The following CTNNA3 variants were observed in gnomAD, a reference collection of about 807,000 sequenced individuals.
CTNNA3 encodes catenin alpha 3.
A neutral mutation model predicts 95.7 loss-of-function variants in CTNNA3; 76 were observed. The ratio of observed to expected loss-of-function variants is 0.79; its 90% CI spans 0.66 to 0.96. CTNNA3 has a LOEUF of 0.96. Among genes scored for constraint, CTNNA3 ranks in the 40% least tolerant of loss-of-function variants. The probability of loss-of-function intolerance (pLI) is 0.00; values close to 1 mark genes in which losing one functional copy is unlikely to be tolerated. For missense variants in CTNNA3, 1,191 were observed against 1,089.8 expected (o/e 1.09, Z -1.31); for synonymous variants, 431 against 374.4 (o/e 1.15, Z -1.74).
chr10:67,667,738 T>G (rs1840357094), intron 1 of CTNNA3, among the ~76,000 whole-genome samples: 1 of 152,154 alleles, frequency 6.6e-6, no homozygotes, highest in South Asian at 2.1e-4. Context: ...CCTCATGTAA[T>G]AACTAACAAT....
In CTNNA3 at chr10:67,435,926, C is replaced by G. The variant is rs1032974202; in HGVS notation, c.579+85916G>C. On this transcript the variant is annotated intron_variant, in intron 5 of 17. Coordinates refer to ENST00000433211, the MANE Select transcript of CTNNA3 (RefSeq NM_013266.4). The stretch of plus-strand genomic sequence containing the variant: ...AGACAATCTACAAATTCAATGCAAT[C>G]CCTATCAAAATACCACCATCATTCT... Among the ~76,000 whole-genome samples, 93 of 152,020 alleles carry G rather than the reference C, an allele frequency of 6.1e-4. 1 individual carries two copies. Among genetic ancestry groups the G allele is most frequent in the Non-Finnish European group, 1.8e-4 (12 of 67,934 alleles).
chr10:67,244,355 A>G (rs1304109158), intron 5 of CTNNA3, among the ~76,000 whole-genome samples: 1 of 152,240 alleles, frequency 6.6e-6, no homozygotes, highest in Non-Finnish European at 1.5e-5. Context: ...ACTGAGAAGA[A>G]TGCAGATAAA....
intron 2 of CTNNA3, among the ~76,000 whole-genome samples, chr10:67,619,482 T>C (rs990683607): frequency 6.6e-6 from 1 of 152,148 alleles, no homozygotes; most frequent in Non-Finnish European, 1.5e-5. Context: ...GGACTAAAGA[T>C]TTAAATGTAA....
At chr10:67,272,739 T>C (rs1839036007) in intron 5 of CTNNA3, among the ~76,000 whole-genome samples, 1 of 152,176 alleles carries the variant, frequency 6.6e-6, no homozygotes, top group South Asian at 2.1e-4. Flanking sequence ...TCTTGATAAT[T>C]ACTTGTTAAA....
intron 1 of CTNNA3, chr10:67,750,715 A>G (rs1841402508): frequency 6.4e-7 from 1 of 1,574,334 alleles, no homozygotes; most frequent in African/African-American, 1.3e-5. Flanking sequence ...CTGGGAGGCC[A>G]TGGAGGAGCT....
At chr10:65,988,998 T>C (rs566568254) in intron 15 of CTNNA3, among the ~76,000 whole-genome samples, 18 of 152,322 alleles carry the variant, frequency 1.2e-4, no homozygotes, top group Non-Finnish European at 2.4e-4. Context: ...TTGAGTGCAG[T>C]GGTGCAGTCT....
In CTNNA3 at chr10:67,487,209, G is replaced by C. The variant is rs10509288; in HGVS notation, c.579+34633C>G. On this transcript the variant is annotated intron_variant, in intron 5 of 17. Coordinates refer to ENST00000433211, the MANE Select transcript of CTNNA3 (RefSeq NM_013266.4). ...CGAAAGTGTCAGTTTTCTGTGCATA[G>C]TTCAGTTAACAGCTAGATAACACCA... 0.029 allele frequency among the ~76,000 whole-genome samples: 4,428 copies of C among 152,254 alleles called. 411 individuals are homozygous for C. In the East Asian group the frequency reaches 0.34, roughly 12 times the overall value.
intron 12 of CTNNA3, among the ~76,000 whole-genome samples, chr10:66,353,464 ATAT>A (rs1285797557): frequency 6.6e-6 from 1 of 152,168 alleles, no homozygotes; most frequent in Non-Finnish European, 1.5e-5. Context: ...CAAAAATAAA[ATAT>A]TGTTGTCTTG....
chr10:66,188,992 C>T (rs545397360), intron 13 of CTNNA3, among the ~76,000 whole-genome samples: 3 of 152,060 alleles, frequency 2.0e-5, no homozygotes, highest in African/African-American at 4.8e-5. Flanking sequence ...TCTTGAGCAC[C>T]TTTTCATATA....
chr10:66,119,615 T>A (rs1286778089), intron 13 of CTNNA3, among the ~76,000 whole-genome samples: 4 of 152,168 alleles, frequency 2.6e-5, no homozygotes, highest in Non-Finnish European at 5.9e-5. Flanking sequence ...GGATTATTTG[T>A]ATAATGAAAA....
At position 66,188,985 on chromosome 10, in the gene CTNNA3, T is replaced by C. The variant is rs371462840; in HGVS notation, c.1885-85736A>G. ...GCATTTCCCTGATCATTAGTGATCT[T>C]GAGCACCTTTTCATATACCTACTAG... On this transcript the variant is annotated intron_variant, in intron 13 of 17. Coordinates refer to ENST00000433211, the MANE Select transcript of CTNNA3 (RefSeq NM_013266.4). 7.9e-5 allele frequency among the ~76,000 whole-genome samples: 12 copies of C among 152,238 alleles called. No individual in the cohort carries two copies. In the East Asian group the frequency reaches 2.3e-3, roughly 29 times the overall value.
chr10:67,046,822 G>A (rs1445694311), intron 7 of CTNNA3, among the ~76,000 whole-genome samples: 3 of 152,048 alleles, frequency 2.0e-5, no homozygotes, highest in Admixed American at 6.6e-5. Flanking sequence ...GCCCATAATC[G>A]AAGCTTTCAA....
At chr10:67,521,679 T>C (rs945014876) in intron 5 of CTNNA3, among the ~76,000 whole-genome samples, 163 bp downstream of exon 5, 6 of 152,200 alleles carry the variant, frequency 3.9e-5, no homozygotes, top group African/African-American at 1.4e-4. Context: ...CATTGAACAC[T>C]GTGGGAAGCC....
At chr10:66,688,815 C>CA (rs71035166) in intron 9 of CTNNA3, among the ~76,000 whole-genome samples, 26,597 of 149,524 alleles carry the variant, frequency 0.18, 2,947 homozygotes, top group East Asian at 0.33. Context: ...CTAAAAAATA[C>CA]AAAAAAAAAT....
At chr10:67,647,378 C>T in intron 2 of CTNNA3, 37 bp downstream of exon 2, 1 of 1,385,990 alleles carries the variant, frequency 7.2e-7, no homozygotes, top group Non-Finnish European at 1.0e-6. Flanking sequence ...CATTCTTCTG[C>T]AGTTACTATA....
intron 12 of CTNNA3, among the ~76,000 whole-genome samples, chr10:66,361,685 G>T (rs1414319062): frequency 1.3e-5 from 2 of 151,516 alleles, no homozygotes; most frequent in African/African-American, 2.4e-5. Context: ...CTATAGGGGT[G>T]CACCACCACA....
chr10:66,117,015 A>G (rs1422101165), intron 13 of CTNNA3, among the ~76,000 whole-genome samples: 1 of 152,128 alleles, frequency 6.6e-6, no homozygotes, highest in Non-Finnish European at 1.5e-5. Flanking sequence ...GAGCCAAACC[A>G]TATCACTGCA....
chr10:66,186,000 A>C, intron 13 of CTNNA3, among the ~76,000 whole-genome samples: 1 of 151,922 alleles, frequency 6.6e-6, no homozygotes, highest in Admixed American at 6.6e-5. Context: ...CACATATAAA[A>C]ATATATATGT....
At chr10:66,131,232 A>T (rs2083087919) in intron 13 of CTNNA3, among the ~76,000 whole-genome samples, 1 of 152,130 alleles carries the variant, frequency 6.6e-6, no homozygotes. Flanking sequence ...GGCCAGCATC[A>T]TCCTGAACCA....
Sources: allele counts gnomAD v4.1 joint callset (sites outside exome capture counted in the v4.1 genomes callset), GRCh38; gene constraint gnomAD v4.1.1; transcripts MANE v1.5; gene names NCBI Gene and HGNC (gene_info 2026-07-23, HGNC 2026-07-21).